PEX1: variants seen among roughly 807,000 people sequenced by gnomAD.
PEX1 encodes the protein peroxisomal biogenesis factor 1.
A neutral mutation model predicts 152.5 loss-of-function variants in PEX1; 97 were observed. That is an observed-to-expected ratio of 0.64 (90% CI 0.54 to 0.75). The LOEUF (loss-of-function observed/expected upper bound fraction) is 0.75. PEX1 is among the 30% of genes least tolerant of loss of function. PEX1 has a pLI of 0.00. For synonymous variants in PEX1, 485 were observed against 531.6 expected, an observed-to-expected ratio of 0.91 and a Z score of 1.21; for missense variants, 1,357 against 1,516.3, an observed-to-expected ratio of 0.89 and a Z score of 1.74.
intron 3 of PEX1, 126 bp from the exon 4 acceptor site, chr7:92,518,381 G>A (rs1332167243): frequency 5.8e-6 from 4 of 689,232 alleles, no homozygotes; most frequent in Non-Finnish European, 1.1e-5. Flanking sequence ...TACACGACAT[G>A]GTGTTATGAG....
chr7:92,521,680 G>A (rs913985969), intron 2 of PEX1, among the ~76,000 whole-genome samples: 1 of 151,244 alleles, frequency 6.6e-6, no homozygotes, highest in East Asian at 2.0e-4. Context: ...CAAATTATCC[G>A]CCCACCTTGG....
At position 92,513,832 on chromosome 7, in the gene PEX1, A is replaced by G. The variant is rs201631453; in HGVS notation, c.1359+16T>C. On this transcript the variant is annotated intron_variant, in intron 6 of 23. Coordinates refer to ENST00000248633, the MANE Select transcript of PEX1 (RefSeq NM_000466.3). The stretch of plus-strand genomic sequence containing the variant: ...GTGTAAAAGAATTTTGATGTAACAT[A>G]TATATTTGAACTCACTAAATTCTCT... 44 of 1,578,144 alleles carry G rather than the reference A, an allele frequency of 2.8e-5. No individual in the cohort carries two copies. Among genetic ancestry groups the G allele is most frequent in the Non-Finnish European group, 3.7e-5 (43 of 1,150,138 alleles).
chr7:92,507,122 C>T lies in PEX1; in HGVS notation c.1675G>A (p.Val559Met). ...AAGGAGGATACGCCTAAGGAATTCA[C>T]TCCTCTGTAAAAAATATACATAGTT... Reference protein sequence around the residue: ...PFLKLSSLGGVNSLGVSSLEH... With the variant: ...PFLKLSSLGGMNSLGVSSLEH... The change falls in exon 10 of 24, where the codon GTG (valine) becomes ATG (methionine). Residue 559 changes from valine (V) to methionine (M), a missense_variant. By Grantham distance (21) the Val-to-Met change is conservative. Transcript: ENST00000248633. The T allele has an allele frequency of 1.2e-6, 2 of 1,613,526 alleles. No individual in the cohort carries two copies. Among genetic ancestry groups the T allele is most frequent in the Non-Finnish European group, 1.7e-6 (2 of 1,179,542 alleles).
At position 92,528,302 on chromosome 7, in the gene PEX1, G is replaced by A. The variant is rs1290941246; in HGVS notation, c.129+5C>T. On this transcript the variant is annotated splice_donor_5th_base_variant and intron_variant, in intron 1 of 23. Transcript: ENST00000248633. ...AGATCAGGTGGCTCGGGGCCGGCAG[G>A]TTACCTGCAGCAGATGCAGCTGGGC... is the stretch of plus-strand genomic sequence containing the variant. 3 of 1,555,572 alleles carry A rather than the reference G, an allele frequency of 1.9e-6. No homozygotes were observed. Among genetic ancestry groups the A allele is most frequent in the East Asian group, 2.4e-5 (1 of 41,464 alleles).
At chr7:92,516,746 C>T (rs1792804299) in intron 5 of PEX1, among the ~76,000 whole-genome samples, 1 of 152,138 alleles carries the variant, frequency 6.6e-6, no homozygotes, top group South Asian at 2.1e-4. Flanking sequence ...CTCCGTTATA[C>T]ACAAATTAAA....
In PEX1 at chr7:92,491,330, C is replaced by T. The variant is rs1275807638; in HGVS notation, c.3380G>A (p.Arg1127Gln). 4.3e-6 allele frequency: 7 copies of T among 1,613,892 alleles called. No homozygotes were observed. Among genetic ancestry groups the T allele is most frequent in the East Asian group, 4.5e-5 (2 of 44,858 alleles). The change falls in exon 21 of 24, where the codon CGG becomes CAG. Residue 1127 changes from arginine (R) to glutamine (Q), a missense_variant. Arg to Gln is a conservative substitution (Grantham distance 43). Transcript: ENST00000248633. ...TTCATAAGAGCTTCCAAAGTAGAGC[C>T]GGTACATATTGAATTTTGATTCATC... is the stretch of plus-strand genomic sequence containing the variant. The part of the protein sequence containing the change: ...LPDESKFNMY[R>Q]LYFGSSYESE...
In PEX1 at chr7:92,512,523, G is replaced by A. The variant is rs918653380; in HGVS notation, c.1360-820C>T. Among the ~76,000 whole-genome samples the A allele has an allele frequency of 1.1e-4, 17 of 151,918 alleles. No homozygotes were observed. In the East Asian group the frequency reaches 1.6e-3, roughly 14 times the overall value. On this transcript the variant is annotated intron_variant, in intron 6 of 23. Transcript: ENST00000248633. ...TTTACTTTTTTTGAAATAGAGTCTC[G>A]CTCTGTTACCCAGGCTGGAGTGCAG... is the stretch of plus-strand genomic sequence containing the variant.
At chr7:92,512,022 A>G (rs1792493009) in intron 6 of PEX1, among the ~76,000 whole-genome samples, 1 of 152,204 alleles carries the variant, frequency 6.6e-6, no homozygotes, top group Admixed American at 6.5e-5. Context: ...CTCTACGATA[A>G]AGACAGGAAA....
chr7:92,496,662 G>GATAAATA, intron 17 of PEX1, 51 bp downstream of exon 17: 1 of 1,195,976 alleles, frequency 8.4e-7, no homozygotes, highest in Non-Finnish European at 1.3e-6. Context: ...AGCACTGATT[G>GATAAATA]ATAAATAATA....
rs1562873696 is a variant in PEX1, at chr7:92,528,480, A to AGGACCCG, written c.-52_-46dup. Reference sequence around the variant, plus strand: ...GGGTTCGCCCACCCTAGCGCCGCAAAGGACCCGGGACCCGGCAGGCCGAGG... The same window carrying AGGACCCG: ...GGGTTCGCCCACCCTAGCGCCGCAAAGGACCCGGGACCCGGGACCCGGCAGGCCGAGG... On this transcript the variant is annotated 5_prime_UTR_variant, in exon 1 of 24. Coordinates refer to ENST00000248633, the MANE Select transcript of PEX1 (RefSeq NM_000466.3). 6.5e-7 allele frequency: 1 copy of AGGACCCG among 1,529,468 alleles called. No individual in the cohort carries two copies. 94.7% of individuals were successfully genotyped at this position (1,529,468 alleles called of 1,614,324 possible).
rs774647178 is a variant in PEX1 at position 92,517,366 on chromosome 7, C to T, written c.1149G>A (p.Val383=). The T allele has an allele frequency of 1.9e-6, 3 of 1,613,656 alleles. No individual in the cohort carries two copies. Among genetic ancestry groups the T allele is most frequent in the Non-Finnish European group, 2.5e-6 (3 of 1,179,658 alleles). The part of the protein sequence containing the change: ...DHNEEDEKAC[V]LQVVWNGLEE... Reference sequence around the variant, plus strand: ...CAAGTCCATTCCAGACTACTTGTAGCACACAGGCCTTCTCATCTTCTTCAT... The same window carrying T: ...CAAGTCCATTCCAGACTACTTGTAGTACACAGGCCTTCTCATCTTCTTCAT... Residue 383 remains valine (V), a synonymous_variant, in exon 5 of 24, where the codon GTG becomes GTA. Transcript: ENST00000248633.
At chr7:92,510,139 ATC>A (rs1250253979) in intron 8 of PEX1, among the ~76,000 whole-genome samples, 3 of 74,878 alleles carry the variant, frequency 4.0e-5, no homozygotes, top group Non-Finnish European at 6.2e-5. Flanking sequence ...GTGAGACTCC[ATC>A]TCAAAAAAAA....
chr7:92,504,697 G>A lies in PEX1; in HGVS notation c.2071+35C>T, dbSNP rs1792093151. 3 of 1,603,738 alleles carry A rather than the reference G, an allele frequency of 1.9e-6. No homozygotes were observed. In the South Asian group the frequency reaches 3.3e-5, roughly 18 times the overall value. ...AGACTAAAAATGCTGACTGACAAAA[G>A]AACAAGACCTTAAGCCAGTGGTGGA... On this transcript the variant is annotated intron_variant, in intron 12 of 23. Coordinates refer to ENST00000248633, the MANE Select transcript of PEX1 (RefSeq NM_000466.3).
At chr7:92,487,972 A>T (rs994320832) in intron 23 of PEX1, among the ~76,000 whole-genome samples, 2 of 152,214 alleles carry the variant, frequency 1.3e-5, no homozygotes, top group Non-Finnish European at 2.9e-5. Context: ...GCTCCCTGTT[A>T]TACAATTCCA....
intron 5 of PEX1, among the ~76,000 whole-genome samples, chr7:92,515,799 G>A (rs1008370025): frequency 2.0e-5 from 3 of 151,872 alleles, no homozygotes; most frequent in African/African-American, 7.3e-5. Flanking sequence ...TTCAAGACTA[G>A]CCTGGCCAAC....
Position 92,504,915 on chromosome 7 carries a change from G to A in PEX1, c.1901-13C>T. On this transcript the variant is annotated splice_polypyrimidine_tract_variant and intron_variant, in intron 11 of 23. Coordinates refer to ENST00000248633, the MANE Select transcript of PEX1 (RefSeq NM_000466.3). The stretch of plus-strand genomic sequence containing the variant: ...TCAAGCCTTTTTCCTTAATACAGAA[G>A]ATATGAAATGGTTTCAGTATCATTT... 4 of 1,601,842 alleles carry A rather than the reference G, an allele frequency of 2.5e-6. No homozygotes were observed. Among genetic ancestry groups the A allele is most frequent in the Non-Finnish European group, 3.4e-6 (4 of 1,168,902 alleles).
intron 12 of PEX1, among the ~76,000 whole-genome samples, chr7:92,503,402 AAGAGGTACTGCAAACTC>A (rs1290270306): frequency 6.6e-6 from 1 of 152,180 alleles, no homozygotes; most frequent in Non-Finnish European, 1.5e-5. Context: ...ATGGAGACAC[AAGAGGTACTGCAAACTC>A]AGACCATATA....
chr7:92,496,701 T>C lies in PEX1; in HGVS notation c.2783+12A>G. 6.4e-7 allele frequency: 1 copy of C among 1,571,486 alleles called. No individual in the cohort carries two copies. The highest frequency in any genetic ancestry group is 8.8e-7 in the Non-Finnish European group (1 of 1,141,302). Reference sequence around the variant, plus strand: ...GAGTCAGTTACTTTAAAAACATTCATAGGCTACCAACCTAATAAAAATATC... The same window carrying C: ...GAGTCAGTTACTTTAAAAACATTCACAGGCTACCAACCTAATAAAAATATC... On this transcript the variant is annotated intron_variant, in intron 17 of 23. Coordinates refer to ENST00000248633, the MANE Select transcript of PEX1 (RefSeq NM_000466.3).
intron 1 of PEX1, 75 bp from the exon 2 acceptor site, chr7:92,522,320 A>G: frequency 1.4e-6 from 2 of 1,407,572 alleles, no homozygotes; most frequent in Admixed American, 1.7e-5. Context: ...ATAAACTATT[A>G]TTACAATTCA....
Sources: gnomAD v4.1 joint callset for allele counts (sites outside exome capture counted in the v4.1 genomes callset) on GRCh38, gnomAD v4.1.1 for gene constraint, MANE v1.5 for transcripts, NCBI Gene and HGNC (gene_info 2026-07-23, HGNC 2026-07-21) for gene names.